The following STAU2 variants were observed in gnomAD, a reference collection of about 807,000 sequenced individuals.
STAU2 encodes staufen double-stranded RNA binding protein 2.
STAU2 carries 20 observed loss-of-function variants against 65.9 expected under a neutral mutation model. That is an observed-to-expected ratio of 0.30 (90% CI 0.21 to 0.44). STAU2 has a LOEUF of 0.44. STAU2 is among the 20% of genes least tolerant of loss of function. STAU2 has a pLI of 1.00. For synonymous variants in STAU2, 232 were observed against 233.9 expected (o/e 0.99, Z 0.07); for missense variants, 558 against 683.9 (o/e 0.82, Z 2.05).
chr8:73,621,338 C>G (rs971444150), intron 6 of STAU2, among the ~76,000 whole-genome samples: 2 of 152,136 alleles, frequency 1.3e-5, no homozygotes, highest in East Asian at 3.9e-4. Context: ...TGAAGAGGTG[C>G]CTTCTGCCAT....
intron 1 of STAU2, among the ~76,000 whole-genome samples, chr8:73,745,772 C>T (rs1485140049): frequency 6.6e-6 from 1 of 152,108 alleles, no homozygotes; most frequent in Non-Finnish European, 1.5e-5. Context: ...GGTAAGGGGA[C>T]ATCACAGCAA....
At chr8:73,620,711 CAT>C (rs1193819413) in intron 6 of STAU2, among the ~76,000 whole-genome samples, 2 of 152,070 alleles carry the variant, frequency 1.3e-5, no homozygotes, top group Admixed American at 6.5e-5. Flanking sequence ...GCATTTTTAA[CAT>C]AAAAGGTAAA....
chr8:73,636,002 C>T (rs1301661865), intron 6 of STAU2, among the ~76,000 whole-genome samples: 1 of 149,392 alleles, frequency 6.7e-6, no homozygotes, highest in Non-Finnish European at 1.5e-5. Flanking sequence ...ATTTGAGGTG[C>T]CTGCCACCCA....
chr8:73,422,911 C>A (rs954699758), intron 13 of STAU2, among the ~76,000 whole-genome samples: 1 of 152,172 alleles, frequency 6.6e-6, no homozygotes, highest in East Asian at 1.9e-4. Flanking sequence ...AGTCTCCTGC[C>A]TTATCCCTTC....
intron 3 of STAU2, among the ~76,000 whole-genome samples, chr8:73,737,414 G>A (rs978346125): frequency 6.6e-6 from 1 of 151,116 alleles, no homozygotes; most frequent in African/African-American, 2.4e-5. Context: ...CAGGTGATCT[G>A]CCCGCCTTGG....
intron 13 of STAU2, among the ~76,000 whole-genome samples, chr8:73,487,343 G>A (rs1232504831): frequency 6.6e-6 from 1 of 152,110 alleles, no homozygotes; most frequent in Non-Finnish European, 1.5e-5. Context: ...ACTGGCATGT[G>A]AGTGAGGGAA....
At position 73,617,384 on chromosome 8, in the gene STAU2, C is replaced by T. The variant is rs1812905931; in HGVS notation, c.478G>A (p.Glu160Lys). Residue 160 changes from glutamate (E) to lysine (K), a missense_variant, in exon 7 of 15, where the codon GAA (glutamate) becomes AAA (lysine). Physicochemically the swap from Glu to Lys is moderately conservative, Grantham distance 56. Transcript: ENST00000524300. The part of the protein sequence containing the change: ...LTVGNNEFFG[E>K]GKTRQAARHN... The stretch of plus-strand genomic sequence containing the variant: ...CTAGCAGCTTGTCGAGTCTTTCCTT[C>T]CCCAAAAAATTCATTATTTCCTACA... 2.5e-6 allele frequency: 4 copies of T among 1,613,872 alleles called. No homozygotes were observed. Among genetic ancestry groups the T allele is most frequent in the Non-Finnish European group, 3.4e-6 (4 of 1,179,982 alleles).
chr8:73,535,147 A>G (rs936470457), intron 13 of STAU2, among the ~76,000 whole-genome samples: 4 of 152,268 alleles, frequency 2.6e-5, no homozygotes, highest in South Asian at 2.1e-4. Context: ...AAGCATGTAC[A>G]TGACAAAAAT....
intron 6 of STAU2, among the ~76,000 whole-genome samples, chr8:73,618,205 T>A (rs1030191096): frequency 1.3e-5 from 2 of 152,080 alleles, no homozygotes; most frequent in African/African-American, 4.8e-5. Context: ...GTGGGGAAGA[T>A]AAACAATAAG....
At chr8:73,421,825 C>T (rs1479293734) in intron 14 of STAU2, among the ~76,000 whole-genome samples, 1 of 152,110 alleles carries the variant, frequency 6.6e-6, no homozygotes, top group Non-Finnish European at 1.5e-5. Flanking sequence ...GTTTTTACTT[C>T]CTGGGTTGAC....
chr8:73,630,950 T>A (rs774312595), intron 6 of STAU2, among the ~76,000 whole-genome samples: 2 of 152,200 alleles, frequency 1.3e-5, no homozygotes, highest in African/African-American at 4.8e-5. Flanking sequence ...GACTTTCATT[T>A]CACACGCTCA....
rs866293958 is a variant in STAU2 at position 73,716,842 on chromosome 8, G to T, written c.-17-7680C>A. 3.3e-5 allele frequency among the ~76,000 whole-genome samples: 5 copies of T among 152,026 alleles called. No individual in the cohort carries two copies. The South Asian group carries it at 1.0e-3, about 31-fold the overall frequency. On this transcript the variant is annotated intron_variant, in intron 3 of 14. Transcript: ENST00000524300. Reference sequence around the variant, plus strand: ...TTCTAGGCCAGGCGCGGTGGCTCACGCCTGTAATCCCAGTACTTTGGGAGG... The same window carrying T: ...TTCTAGGCCAGGCGCGGTGGCTCACTCCTGTAATCCCAGTACTTTGGGAGG...
intron 1 of STAU2, among the ~76,000 whole-genome samples, chr8:73,740,859 G>A (rs946294324): frequency 3.9e-5 from 6 of 151,956 alleles, no homozygotes; most frequent in African/African-American, 1.2e-4. Flanking sequence ...AAATTAGCTG[G>A]GCATAGTAAC....
At chr8:73,549,803 T>C (rs1241481649) in intron 13 of STAU2, 4 of 985,280 alleles carry the variant, frequency 4.1e-6, no homozygotes, top group Admixed American at 6.2e-5. Flanking sequence ...AAAGAATTTA[T>C]TGTTTTTAAG....
intron 4 of STAU2, among the ~76,000 whole-genome samples, chr8:73,702,060 G>C (rs1820149792): frequency 6.6e-6 from 1 of 151,876 alleles, no homozygotes; most frequent in Non-Finnish European, 1.5e-5. Context: ...AGAATAGAAG[G>C]ATGGTTACTA....
intron 6 of STAU2, among the ~76,000 whole-genome samples, chr8:73,630,472 C>T (rs1814009508): frequency 6.6e-6 from 1 of 152,184 alleles, no homozygotes; most frequent in Non-Finnish European, 1.5e-5. Context: ...CAGTTTTGGC[C>T]TCGGGTTATG....
intron 5 of STAU2, among the ~76,000 whole-genome samples, chr8:73,682,867 G>A (rs1818530606): frequency 6.6e-6 from 1 of 152,038 alleles, no homozygotes; most frequent in Non-Finnish European, 1.5e-5. Flanking sequence ...AAACCTAGAG[G>A]AGCTGGATAA....
intron 6 of STAU2, among the ~76,000 whole-genome samples, chr8:73,668,759 C>T (rs1817430420): frequency 1.3e-5 from 2 of 152,006 alleles, no homozygotes; most frequent in Admixed American, 1.3e-4. Flanking sequence ...CTTCAGAATC[C>T]AAGTTGTATC....
At chr8:73,458,864 T>C (rs1235434522) in intron 13 of STAU2, 1 of 152,238 alleles carries the variant, frequency 6.6e-6, no homozygotes, top group African/African-American at 2.4e-5. Flanking sequence ...ACATTAATTA[T>C]ACATTGCCCC....
Sources: allele counts gnomAD v4.1 joint callset (sites outside exome capture counted in the v4.1 genomes callset), GRCh38; gene constraint gnomAD v4.1.1; transcripts MANE v1.5; gene names NCBI Gene and HGNC (gene_info 2026-07-23, HGNC 2026-07-21).